NCOA2: variants seen among roughly 807,000 people sequenced by gnomAD.
NCOA2 encodes nuclear receptor coactivator 2.
NCOA2 carries 21 observed loss-of-function variants against 145.1 expected under a neutral mutation model. The observed-to-expected ratio is 0.14, with a 90% CI of 0.10 to 0.21. NCOA2 has a LOEUF of 0.21. Ranked by LOEUF, NCOA2 falls within the 10% of genes least tolerant of loss-of-function variation. The pLI, the probability that NCOA2 is intolerant of heterozygous loss-of-function variation, is 1.00. For synonymous variants in NCOA2, 619 were observed against 637.5 expected (o/e 0.97, Z 0.44); for missense variants, 1,472 against 1,837.6 (o/e 0.80, Z 3.64).
chr8:70,352,234 G>A lies in NCOA2; in HGVS notation c.-77+51466C>T, dbSNP rs111757126. Among the ~76,000 whole-genome samples, 157 of 152,106 alleles carry A rather than the reference G, an allele frequency of 1.0e-3. 1 individual carries two copies. The highest frequency in any genetic ancestry group is 3.7e-3 in the African/African-American group (152 of 41,498). On this transcript the variant is annotated intron_variant, in intron 1 of 22. Transcript: ENST00000452400. ...TTTAGAATTGATCCCTCTCTTAATCGTTAGGTAAGTGCTATTATGTCGTCT... is the reference window on the plus strand; with the variant it reads ...TTTAGAATTGATCCCTCTCTTAATCATTAGGTAAGTGCTATTATGTCGTCT...
intron 2 of NCOA2, among the ~76,000 whole-genome samples, chr8:70,255,136 T>C (rs937697970): frequency 5.6e-4 from 86 of 152,330 alleles, no homozygotes; most frequent in African/African-American, 2.0e-3. Flanking sequence ...AACAGACACA[T>C]GACCATTCCT....
chr8:70,328,156 C>A (rs1806763216), intron 1 of NCOA2, among the ~76,000 whole-genome samples: 1 of 152,182 alleles, frequency 6.6e-6, no homozygotes, highest in African/African-American at 2.4e-5. Flanking sequence ...AAGTTGAAGA[C>A]CTGTAAATGG....
At chr8:70,360,227 C>T (rs968019235) in intron 1 of NCOA2, among the ~76,000 whole-genome samples, 1 of 152,154 alleles carries the variant, frequency 6.6e-6, no homozygotes, top group Non-Finnish European at 1.5e-5. Context: ...TAGCATACAG[C>T]AAGAAAACCG....
At chr8:70,163,329 A>G (rs1413592856) in intron 8 of NCOA2, 136 bp downstream of exon 8, 1 of 648,466 alleles carries the variant, frequency 1.5e-6, no homozygotes, top group African/African-American at 1.8e-5. Flanking sequence ...CGGTCCTCCA[A>G]CTCCTTGACA....
At chr8:70,376,124 C>A (rs1811644703) in intron 1 of NCOA2, among the ~76,000 whole-genome samples, 1 of 152,110 alleles carries the variant, frequency 6.6e-6, no homozygotes, top group African/African-American at 2.4e-5. Context: ...AGAAGACATA[C>A]ATAAAAGTAG....
chr8:70,167,267 G>A (rs1012025044), intron 6 of NCOA2, among the ~76,000 whole-genome samples: 9 of 152,316 alleles, frequency 5.9e-5, no homozygotes, highest in South Asian at 2.1e-4. Flanking sequence ...GTAGTCTGGA[G>A]GATGAAGTCC....
At chr8:70,431,751 G>C in the NCOA2 span, among the ~76,000 whole-genome samples, 1 of 152,174 alleles carries the variant, frequency 6.6e-6, no homozygotes, top group Admixed American at 6.5e-5. Flanking sequence ...ACATGGGTTT[G>C]TATATGAATT....
In NCOA2 at chr8:70,113,542, G is replaced by T; in HGVS notation, c.*90C>A. 2 of 1,449,986 alleles carry T rather than the reference G, an allele frequency of 1.4e-6. No homozygotes were observed. Among genetic ancestry groups the T allele is most frequent in the Non-Finnish European group, 1.9e-6 (2 of 1,055,508 alleles). The allele number at this position is 1,449,986 out of a possible 1,614,324, so 89.8% of individuals were successfully genotyped here. Reference sequence around the variant, plus strand: ...GCAGAACCGGCTGGCAGGTCAGTTGGGTTGAAACAAATAGACACAGCTCTC... The same window carrying T: ...GCAGAACCGGCTGGCAGGTCAGTTGTGTTGAAACAAATAGACACAGCTCTC... On this transcript the variant is annotated 3_prime_UTR_variant, in exon 23 of 23. Coordinates refer to ENST00000452400, the MANE Select transcript of NCOA2 (RefSeq NM_006540.4).
intron 1 of NCOA2, among the ~76,000 whole-genome samples, chr8:70,307,611 A>G (rs971735812): frequency 1.3e-5 from 2 of 152,234 alleles, no homozygotes; most frequent in Non-Finnish European, 2.9e-5. Context: ...TTGTGCTTAC[A>G]TTCGTGTTAA....
chr8:70,412,658 A>AC, the NCOA2 span, among the ~76,000 whole-genome samples: 6 of 148,890 alleles, frequency 4.0e-5, no homozygotes, highest in African/African-American at 1.2e-4. Flanking sequence ...AAAAAAAAAA[A>AC]AAAAAAAAAA....
At chr8:70,410,676 G>A in the NCOA2 span, among the ~76,000 whole-genome samples, 1 of 152,226 alleles carries the variant, frequency 6.6e-6, no homozygotes, top group African/African-American at 2.4e-5. Flanking sequence ...GTCAAGTTAT[G>A]TGGAGGAACA....
At chr8:70,193,299 G>A (rs1816894307) in intron 4 of NCOA2, among the ~76,000 whole-genome samples, 1 of 151,976 alleles carries the variant, frequency 6.6e-6, no homozygotes, top group African/African-American at 2.4e-5. Flanking sequence ...ACCAAAATTT[G>A]CATTGGTTTG....
At position 70,157,121 on chromosome 8, in the gene NCOA2, T is replaced by C. The variant is rs1397313959; in HGVS notation, c.1244A>G (p.Gln415Arg). 6.2e-7 allele frequency: 1 copy of C among 1,613,976 alleles called. No individual in the cohort carries two copies. The part of the protein sequence containing the change: ...HQALCSGNPG[Q>R]DMTLSSNINF... ...TATATTGCTACTGAGGGTCATGTCC[T>C]GACCTGGGTTCCCACTGCACAGGGC... is the stretch of plus-strand genomic sequence containing the variant. Residue 415 changes from glutamine to arginine, a missense_variant, in exon 11 of 23, where the codon CAG (glutamine) becomes CGG (arginine). By Grantham distance (43) the Gln-to-Arg change is conservative. Coordinates refer to ENST00000452400, the MANE Select transcript of NCOA2 (RefSeq NM_006540.4).
intron 1 of NCOA2, among the ~76,000 whole-genome samples, chr8:70,399,141 T>C (rs1450142680): frequency 1.3e-5 from 2 of 152,216 alleles, no homozygotes; most frequent in Non-Finnish European, 2.9e-5. Context: ...GAATTGAAGG[T>C]CTGCAACATT....
At chr8:70,141,447 A>G (rs763093297) in intron 13 of NCOA2, 48 bp from the exon 14 acceptor site, 3 of 1,513,226 alleles carry the variant, frequency 2.0e-6, no homozygotes, top group African/African-American at 2.7e-5. Flanking sequence ...CTGAAAACAT[A>G]TTTAGCATGT....
chr8:70,180,050 G>A (rs1193836831), intron 4 of NCOA2, among the ~76,000 whole-genome samples: 1 of 151,992 alleles, frequency 6.6e-6, no homozygotes, highest in Non-Finnish European at 1.5e-5. Flanking sequence ...CAAAGTGCTG[G>A]GATTACAGGC....
chr8:70,440,824 CAAGA>C, the NCOA2 span, among the ~76,000 whole-genome samples: 3 of 143,596 alleles, frequency 2.1e-5, no homozygotes, highest in South Asian at 6.8e-4. Context: ...GGAAAGAGAG[CAAGA>C]AAGAAAGAGG....
chr8:70,172,616 A>C (rs1256621059), intron 5 of NCOA2, among the ~76,000 whole-genome samples: 1 of 152,220 alleles, frequency 6.6e-6, no homozygotes, highest in Non-Finnish European at 1.5e-5. Context: ...ACATGGTACT[A>C]ACCTTGAGAA....
the NCOA2 span, among the ~76,000 whole-genome samples, chr8:70,436,825 A>G: frequency 9.5e-3 from 1,454 of 152,368 alleles, 5 homozygotes; most frequent in Middle Eastern, 0.017. Context: ...GAAAGGGATA[A>G]TGAGACGACA....
Sources: allele counts gnomAD v4.1 joint callset (sites outside exome capture counted in the v4.1 genomes callset), GRCh38; gene constraint gnomAD v4.1.1; transcripts MANE v1.5; gene names NCBI Gene and HGNC (gene_info 2026-07-23, HGNC 2026-07-21).